The following CALN1 variants were observed in gnomAD, a reference collection of about 807,000 sequenced individuals.
CALN1 encodes calneuron 1.
Under a neutral mutation model 30.6 loss-of-function variants are expected in CALN1, and 17 were observed. That is an observed-to-expected ratio of 0.56 (90% CI 0.38 to 0.83). The LOEUF is 0.83. Ranked by LOEUF, CALN1 falls within the 40% of genes least tolerant of loss-of-function variation. The pLI is 0.00. For missense variants in CALN1, 291 were observed against 354.9 expected (o/e 0.82, Z 1.45); for synonymous variants, 156 against 131.4 (o/e 1.19, Z -1.28).
At chr7:72,371,434 A>G (rs575726180) in intron 2 of CALN1, among the ~76,000 whole-genome samples, 9 of 152,260 alleles carry the variant, frequency 5.9e-5, no homozygotes, top group Admixed American at 4.6e-4. Context: ...TGTTCCCATG[A>G]TAGTGAGTTC....
the CALN1 span, among the ~76,000 whole-genome samples, chr7:72,496,347 T>C: frequency 6.6e-6 from 1 of 152,100 alleles, no homozygotes; most frequent in African/African-American, 2.4e-5. Context: ...TTTTTTCTTC[T>C]AGCTCTGATA....
At chr7:72,209,601 T>C (rs1562741128) in intron 3 of CALN1, among the ~76,000 whole-genome samples, 1 of 151,864 alleles carries the variant, frequency 6.6e-6, no homozygotes, top group Admixed American at 6.6e-5. Flanking sequence ...GTTTTTAGTA[T>C]ATTCACAGAC....
chr7:72,048,387 T>C (rs1032009412), intron 4 of CALN1, among the ~76,000 whole-genome samples: 1 of 152,024 alleles, frequency 6.6e-6, no homozygotes, highest in African/African-American at 2.4e-5. Flanking sequence ...GGGTATGCAT[T>C]ATAAGGGCCG....
In CALN1 at chr7:72,278,012, G is replaced by GC. The variant is rs1554348537; in HGVS notation, c.244+673_244+674insG. Among the ~76,000 whole-genome samples, 14 of 138,764 alleles carry GC rather than the reference G, an allele frequency of 1.0e-4. 1 individual carries two copies. Among genetic ancestry groups the GC allele is most frequent in the East Asian group, 2.1e-4 (1 of 4,798 alleles). 91.0% of individuals were successfully genotyped at this position (138,764 alleles called of 152,430 possible). A position where few individuals can be genotyped will look rare whatever the true frequency, so the allele number is the denominator to read the frequency against. On this transcript the variant is annotated intron_variant, in intron 3 of 6. Coordinates refer to ENST00000395275, the MANE Select transcript of CALN1 (RefSeq NM_031468.4). ...AATCAACCTAATCCTCTATTCCGGG[G>GC]GGGGGGGACTTGTTTTTCCTATTTT...
Position 72,147,924 on chromosome 7 carries a change from G to A in CALN1, c.245-41630C>T, listed in dbSNP as rs1406474143. 2.9e-5 allele frequency among the ~76,000 whole-genome samples: 4 copies of A among 135,668 alleles called. No homozygotes were observed. The South Asian group carries it at 7.8e-4, about 26-fold the overall frequency. The allele number at this position is 135,668 out of a possible 152,430, so 89.0% of individuals were successfully genotyped here. A position where few individuals can be genotyped will look rare whatever the true frequency, so the allele number is the denominator to read the frequency against. ...GACAACACTTGGACACAGGAAGGGGGACATCACACACCAGGGCCTGTTGTG... is the reference window on the plus strand; with the variant it reads ...GACAACACTTGGACACAGGAAGGGGAACATCACACACCAGGGCCTGTTGTG... On this transcript the variant is annotated intron_variant, in intron 3 of 6. Transcript: ENST00000395275.
intron 2 of CALN1, among the ~76,000 whole-genome samples, chr7:72,338,470 AGT>A (rs56695086): frequency 0.047 from 3,507 of 74,634 alleles, 88 homozygotes; most frequent in Middle Eastern, 0.064. Flanking sequence ...CCAGCAGCAC[AGT>A]GTGTGTGTGT....
chr7:72,154,866 A>G (rs1332584868), intron 3 of CALN1, among the ~76,000 whole-genome samples: 3 of 151,716 alleles, frequency 2.0e-5, no homozygotes, highest in Non-Finnish European at 4.4e-5. Flanking sequence ...ACATAATGAG[A>G]GCAACATAAT....
intron 2 of CALN1, among the ~76,000 whole-genome samples, chr7:72,385,526 G>A (rs867648550): frequency 7.9e-5 from 12 of 151,844 alleles, no homozygotes; most frequent in South Asian, 6.3e-4. Flanking sequence ...ACCTCATCTC[G>A]AATTCTCATC....
At chr7:72,280,119 C>G (rs979738788) in intron 2 of CALN1, among the ~76,000 whole-genome samples, 3 of 152,100 alleles carry the variant, frequency 2.0e-5, no homozygotes, top group Non-Finnish European at 2.9e-5. Flanking sequence ...GGATGTCAAA[C>G]CCTCATTTCA....
intron 1 of CALN1, among the ~76,000 whole-genome samples, chr7:72,404,756 A>C (rs1806587057): frequency 2.0e-5 from 3 of 152,224 alleles, no homozygotes; most frequent in Admixed American, 2.0e-4. Context: ...TCAGGCTCAA[A>C]AAATGACTGT....
chr7:72,193,635 A>G (rs1790781409), intron 3 of CALN1, among the ~76,000 whole-genome samples: 1 of 152,230 alleles, frequency 6.6e-6, no homozygotes, highest in South Asian at 2.1e-4. Flanking sequence ...CCTGTTCAAC[A>G]TGCTACTGGA....
intron 2 of CALN1, among the ~76,000 whole-genome samples, chr7:72,386,312 C>G (rs1805206931): frequency 6.6e-6 from 1 of 152,054 alleles, no homozygotes; most frequent in African/African-American, 2.4e-5. Flanking sequence ...ATCTGTGTTA[C>G]AAATGGTATG....
intron 5 of CALN1, among the ~76,000 whole-genome samples, chr7:71,990,394 A>G (rs1798885207): frequency 6.6e-6 from 1 of 152,006 alleles, no homozygotes; most frequent in Non-Finnish European, 1.5e-5. Context: ...TCAAGAAATA[A>G]CTATAAGAAT....
In CALN1 at chr7:72,314,394, T is replaced by C. The variant is rs370895802; in HGVS notation, c.120-35584A>G. Reference sequence around the variant, plus strand: ...ATATACACATATATACACATATATATACACATATATACACATATATATACA... The same window carrying C: ...ATATACACATATATACACATATATACACACATATATACACATATATATACA... On this transcript the variant is annotated intron_variant, in intron 2 of 6. Coordinates refer to ENST00000395275, the MANE Select transcript of CALN1 (RefSeq NM_031468.4). 7.8e-4 allele frequency among the ~76,000 whole-genome samples: 90 copies of C among 115,160 alleles called. 2 individuals carry two copies. Among genetic ancestry groups the C allele is most frequent in the Non-Finnish European group, 1.4e-3 (64 of 46,656 alleles). 75.5% of individuals were successfully genotyped at this position (115,160 alleles called of 152,430 possible).
chr7:71,799,095 C>A (rs1437858368), intron 6 of CALN1, among the ~76,000 whole-genome samples: 4 of 152,182 alleles, frequency 2.6e-5, no homozygotes, highest in African/African-American at 7.2e-5. Flanking sequence ...AAAAAAATAA[C>A]TAGAAGAAGA....
the CALN1 span, among the ~76,000 whole-genome samples, chr7:72,475,941 C>CTCTT: frequency 0.03 from 2,251 of 76,258 alleles, 113 homozygotes; most frequent in African/African-American, 0.046. Flanking sequence ...CTCTCTCTCT[C>CTCTT]TTTTTTTTTT....
intron 2 of CALN1, among the ~76,000 whole-genome samples, chr7:72,395,351 A>G (rs1019448843): frequency 7.4e-4 from 60 of 80,922 alleles, no homozygotes; most frequent in Non-Finnish European, 1.2e-3. Flanking sequence ...CACGCTGCGC[A>G]CGCGCGCGCA....
intron 2 of CALN1, among the ~76,000 whole-genome samples, chr7:72,342,687 CCAAGA>C (rs1156358367): frequency 2.0e-5 from 3 of 152,192 alleles, no homozygotes. Flanking sequence ...AAATCAGACA[CCAAGA>C]CAAGTGCTAC....
At chr7:71,788,053 G>T in intron 6 of CALN1, 151 bp from the exon 7 acceptor site, 1 of 996,604 alleles carries the variant, frequency 1.0e-6, no homozygotes, top group Non-Finnish European at 1.5e-6. Flanking sequence ...AAGTTGACAG[G>T]CATTTATGGG....
Sources: allele counts gnomAD v4.1 joint callset (sites outside exome capture counted in the v4.1 genomes callset), GRCh38; gene constraint gnomAD v4.1.1; transcripts MANE v1.5; gene names NCBI Gene and HGNC (gene_info 2026-07-23, HGNC 2026-07-21).